Variants in GSTA1 observed in about 807,000 individuals in gnomAD.
GSTA1 encodes glutathione S-transferase alpha 1, also known as glutathione S-transferase A1.
Under a neutral mutation model 21.5 loss-of-function variants are expected in GSTA1, and 23 were observed. The ratio of observed to expected loss-of-function variants is 1.07; its 90% CI spans 0.77 to 1.52. The LOEUF is 1.52. Ranked by LOEUF, GSTA1 falls within the 40% of genes most tolerant of loss-of-function variation. The probability of loss-of-function intolerance (pLI) is 0.00; values close to 1 mark genes in which losing one functional copy is unlikely to be tolerated. For missense variants in GSTA1, 301 were observed against 264.2 expected (o/e 1.14, Z -0.96); for synonymous variants, 125 against 90.0 (o/e 1.39, Z -2.20).
intron 3 of GSTA1, 70 bp downstream of exon 3, chr6:52,797,516 G>A (rs370766128): frequency 3.1e-5 from 36 of 1,161,254 alleles, no homozygotes; most frequent in Middle Eastern, 2.0e-4. Flanking sequence ...AGACATTGCC[G>A]GCTGCGCAAA....
At chr6:52,803,376 A>G (rs1763760277) in intron 1 of GSTA1, among the ~76,000 whole-genome samples, 1 of 152,162 alleles carries the variant, frequency 6.6e-6, no homozygotes, top group Non-Finnish European at 1.5e-5. Flanking sequence ...TGAGTTTTGT[A>G]TTTTCACAGC....
At chr6:52,797,684 T>C (rs771227761) in intron 2 of GSTA1, 47 bp from the exon 3 acceptor site, 2 of 1,518,430 alleles carry the variant, frequency 1.3e-6, no homozygotes, top group Non-Finnish European at 1.8e-6. Flanking sequence ...CATTCTATTA[T>C]AGACTGTGGC....
rs1386227867 is a variant in GSTA1, at chr6:52,794,258, A to G, written c.281T>C (p.Met94Thr). 2 of 1,610,736 alleles carry G rather than the reference A, an allele frequency of 1.2e-6. No homozygotes were observed. Among genetic ancestry groups the G allele is most frequent in the Admixed American group, 1.7e-5 (1 of 59,464 alleles). ...CAAATCTGCTATACCTTCTATATAC[A>G]TATCAATCCTGAAAGACAGAAACAA... Reference protein sequence around the residue: ...KDIKERALIDMYIEGIADLGE... With the variant: ...KDIKERALIDTYIEGIADLGE... Residue 94 changes from methionine to threonine, a missense_variant, in exon 5 of 7, where the codon ATG becomes ACG. By Grantham distance (81) the Met-to-Thr change is moderately conservative. Coordinates refer to ENST00000334575, the MANE Select transcript of GSTA1 (RefSeq NM_145740.5).
In GSTA1 at chr6:52,797,761, G is replaced by GA. The variant is rs1443362680; in HGVS notation, c.88-125dup. The GA allele has an allele frequency of 3.8e-5, 31 of 811,156 alleles. No homozygotes were observed. In the African/African-American group the frequency reaches 5.3e-4, roughly 14 times the overall value. The allele number at this position is 811,156 out of a possible 1,614,324, so 50.2% of individuals were successfully genotyped here. A position where few individuals can be genotyped will look rare whatever the true frequency, so the allele number is the denominator to read the frequency against. On this transcript the variant is annotated intron_variant, in intron 2 of 6. Coordinates refer to ENST00000334575, the MANE Select transcript of GSTA1 (RefSeq NM_145740.5). ...ATTTCTGAGTTTGGCAGGGTACACAGAGGGGGCTGGTCATGGCCATTTGGA... is the reference window on the plus strand; with the variant it reads ...ATTTCTGAGTTTGGCAGGGTACACAGAAGGGGGCTGGTCATGGCCATTTGGA...
chr6:52,794,798 C>T (rs756353379), intron 4 of GSTA1, among the ~76,000 whole-genome samples: 9 of 152,204 alleles, frequency 5.9e-5, no homozygotes, highest in African/African-American at 1.9e-4. Context: ...CAGCCCTTTC[C>T]ATGTGCTGTT....
At chr6:52,800,159 A>G (rs1001436368) in intron 1 of GSTA1, among the ~76,000 whole-genome samples, 5 of 152,242 alleles carry the variant, frequency 3.3e-5, no homozygotes, top group African/African-American at 1.2e-4. Flanking sequence ...TCAGTTACAC[A>G]CTGGTCATTC....
chr6:52,795,727 T>C (rs1281729608), intron 4 of GSTA1, among the ~76,000 whole-genome samples: 4 of 152,150 alleles, frequency 2.6e-5, no homozygotes, highest in Non-Finnish European at 4.4e-5. Context: ...ATATACTTGG[T>C]TGGTAATTTA....
intron 4 of GSTA1, among the ~76,000 whole-genome samples, chr6:52,795,719 A>G (rs2127302700): frequency 6.6e-6 from 1 of 152,228 alleles, no homozygotes; most frequent in South Asian, 2.1e-4. Context: ...TCCAGTTGAT[A>G]TACTTGGTTG....
Position 52,791,912 on chromosome 6 carries a change from C to T in GSTA1, c.615G>A (p.Lys205=). The change falls in exon 7 of 7, where the codon AAG becomes AAA. Residue 205 remains lysine (K), a synonymous_variant. Transcript: ENST00000334575. ...CTAAAGATTTCTCATCCATGGGAGGCTTCCTTGGGCTGCCAGGCTGTAGAA... is the reference window on the plus strand; with the variant it reads ...CTAAAGATTTCTCATCCATGGGAGGTTTCCTTGGGCTGCCAGGCTGTAGAA... ...KKFLQPGSPR[K]PPMDEKSLEE... The T allele has an allele frequency of 6.2e-7, 1 of 1,613,984 alleles. No individual in the cohort carries two copies. Among genetic ancestry groups the T allele is most frequent in the Non-Finnish European group, 8.5e-7 (1 of 1,179,870 alleles).
intron 3 of GSTA1, among the ~76,000 whole-genome samples, chr6:52,796,932 T>C (rs1164061930): frequency 6.6e-6 from 1 of 152,202 alleles, no homozygotes; most frequent in African/African-American, 2.4e-5. Context: ...TATGTTTTTA[T>C]TGCCCCTCCA....
Position 52,791,902 on chromosome 6 carries a change from C to T in GSTA1, c.625G>A (p.Asp209Asn). The change falls in exon 7 of 7, where the codon GAT (aspartate) becomes AAT (asparagine). Residue 209 changes from aspartate (D) to asparagine (N), a missense_variant. Physicochemically the swap from Asp to Asn is conservative, Grantham distance 23. Transcript: ENST00000334575. ...QPGSPRKPPM[D>N]EKSLEEARKI... ...CTTGCTTCTTCTAAAGATTTCTCAT[C>T]CATGGGAGGCTTCCTTGGGCTGCCA... 1.2e-6 allele frequency: 2 copies of T among 1,613,992 alleles called. No homozygotes were observed. The highest frequency in any genetic ancestry group is 1.7e-6 in the Non-Finnish European group (2 of 1,179,868).
At chr6:52,793,317 C>T (rs879748880) in intron 5 of GSTA1, among the ~76,000 whole-genome samples, 6 of 152,170 alleles carry the variant, frequency 3.9e-5, no homozygotes, top group Admixed American at 3.9e-4. Context: ...GGCCCTACAG[C>T]GTGGAGCCCT....
intron 4 of GSTA1, 90 bp from the exon 5 acceptor site, chr6:52,794,356 A>G (rs1296114201): frequency 3.8e-6 from 5 of 1,328,040 alleles, no homozygotes; most frequent in African/African-American, 2.9e-5. Flanking sequence ...GTATCAGGTG[A>G]TGGCAAAATA....
At chr6:52,795,920 A>G (rs1763564692) in intron 4 of GSTA1, among the ~76,000 whole-genome samples, 1 of 152,086 alleles carries the variant, frequency 6.6e-6, no homozygotes, top group African/African-American at 2.4e-5. Context: ...TCCTCAGTTC[A>G]TGGTTCATCC....
rs1279817369 is a variant in GSTA1, at chr6:52,791,555, A to G, written c.*303T>C. ...TGTATGACAAATTGTATGTTACGGG[A>G]CAATTCTTGGAAAAGTCAAACAAAC... On this transcript the variant is annotated 3_prime_UTR_variant, in exon 7 of 7. Transcript: ENST00000334575. 2.3e-5 allele frequency: 7 copies of G among 309,606 alleles called. No homozygotes were observed. The highest frequency in any genetic ancestry group is 4.0e-5 in the South Asian group (1 of 24,890). 19.2% of individuals were successfully genotyped at this position (309,606 alleles called of 1,614,324 possible).
chr6:52,799,756 G>T (rs1763669620), intron 1 of GSTA1, among the ~76,000 whole-genome samples: 1 of 152,152 alleles, frequency 6.6e-6, no homozygotes, highest in Non-Finnish European at 1.5e-5. Flanking sequence ...AATGTTCACA[G>T]TCACACTCCG....
At chr6:52,801,119 G>A (rs1763706099) in intron 1 of GSTA1, among the ~76,000 whole-genome samples, 1 of 152,172 alleles carries the variant, frequency 6.6e-6, no homozygotes, top group Admixed American at 6.5e-5. Flanking sequence ...GACCTCAGGT[G>A]ATCCACTCGC....
intron 4 of GSTA1, among the ~76,000 whole-genome samples, chr6:52,795,864 T>G (rs1477608965): frequency 4.6e-5 from 7 of 152,022 alleles, no homozygotes; most frequent in Non-Finnish European, 8.8e-5. Context: ...TTGGCCAGAG[T>G]CGAGCCTCTG....
Position 52,791,967 on chromosome 6 carries a change from C to A in GSTA1, c.560G>T (p.Arg187Ile). The change falls in exon 7 of 7, where the codon AGA becomes ATA. Residue 187 changes from arginine (R) to isoleucine (I), a missense_variant. Physicochemically the swap from Arg to Ile is moderately conservative, Grantham distance 97. Coordinates refer to ENST00000334575, the MANE Select transcript of GSTA1 (RefSeq NM_145740.5). ...CTTCACTGTGGGCAGGTTGCTGATT[C>A]TGGTTTTCAGGGCCTGTAATTCATA... ...SFPLLKALKT[R>I]ISNLPTVKKF... The A allele has an allele frequency of 6.2e-7, 1 of 1,613,916 alleles. No homozygotes were observed. The highest frequency in any genetic ancestry group is 1.1e-5 in the South Asian group (1 of 91,066).
Sources: gnomAD v4.1 joint callset for allele counts (sites outside exome capture counted in the v4.1 genomes callset) on GRCh38, gnomAD v4.1.1 for gene constraint, MANE v1.5 for transcripts, NCBI Gene and HGNC (gene_info 2026-07-23, HGNC 2026-07-21) for gene names.